The following GCH1 variants were observed in gnomAD, a reference collection of about 807,000 sequenced individuals.
GCH1 encodes GTP cyclohydrolase 1.
A neutral mutation model predicts 25.9 loss-of-function variants in GCH1; 5 were observed. The observed-to-expected ratio is 0.19, with a 90% confidence interval of 0.10 to 0.41. GCH1 has a LOEUF of 0.41. Ranked by LOEUF, GCH1 falls within the 10% of genes least tolerant of loss-of-function variation. The pLI is 1.00. For missense variants in GCH1, 261 were observed against 336.5 expected, an observed-to-expected ratio of 0.78 and a Z score of 1.75; for synonymous variants, 159 against 129.6, an observed-to-expected ratio of 1.23 and a Z score of -1.54.
intron 1 of GCH1, among the ~76,000 whole-genome samples, chr14:54,875,917 A>G (rs2040152783): frequency 6.6e-6 from 1 of 152,238 alleles, no homozygotes; most frequent in African/African-American, 2.4e-5. Flanking sequence ...AACTAGTTCA[A>G]CCATTGTGGA....
At chr14:54,881,314 T>C (rs1362116817) in intron 1 of GCH1, among the ~76,000 whole-genome samples, 8 of 152,094 alleles carry the variant, frequency 5.3e-5, no homozygotes, top group African/African-American at 1.9e-4. Context: ...TGCTGCAAAC[T>C]CTTTCAAAAT....
At position 54,843,576 on chromosome 14, in the gene GCH1, C is replaced by T. The variant is rs146536998; in HGVS notation, c.*441G>A. 4.0e-5 allele frequency: 56 copies of T among 1,416,450 alleles called. No individual in the cohort carries two copies. The highest frequency in any genetic ancestry group is 5.4e-4 in the Middle Eastern group (2 of 3,734). 87.7% of individuals were successfully genotyped at this position (1,416,450 alleles called of 1,614,324 possible). ...TGAACTTGAATTCACAGAGCAATAC[C>T]GCACTAAATATTTTAGCACTTTCGG... On this transcript the variant is annotated 3_prime_UTR_variant, in exon 6 of 6. Transcript: ENST00000491895.
intron 1 of GCH1, among the ~76,000 whole-genome samples, chr14:54,900,288 C>T (rs2040545440): frequency 6.6e-6 from 1 of 152,124 alleles, no homozygotes; most frequent in Admixed American, 6.5e-5. Context: ...CGGCTCACTG[C>T]AACCTCCTCC....
intron 2 of GCH1, among the ~76,000 whole-genome samples, chr14:54,863,249 C>A (rs1282093327): frequency 1.3e-5 from 2 of 151,382 alleles, no homozygotes. Flanking sequence ...GAAACCCCTT[C>A]TCTACTAAAA....
chr14:54,864,550 G>A (rs557681272), intron 2 of GCH1, among the ~76,000 whole-genome samples: 2 of 152,264 alleles, frequency 1.3e-5, no homozygotes, highest in East Asian at 3.9e-4. Flanking sequence ...TGTTTAAACA[G>A]GAATCCAATG....
At chr14:54,899,399 A>C (rs2140122925) in intron 1 of GCH1, among the ~76,000 whole-genome samples, 1 of 152,316 alleles carries the variant, frequency 6.6e-6, no homozygotes, top group South Asian at 2.1e-4. Flanking sequence ...GTGAGACTGC[A>C]GTGAGCCGAG....
chr14:54,854,375 G>GGGCAGGAA (rs1434196967), intron 3 of GCH1, among the ~76,000 whole-genome samples: 1 of 152,174 alleles, frequency 6.6e-6, no homozygotes, highest in African/African-American at 2.4e-5. Flanking sequence ...GCAGCAGGGA[G>GGGCAGGAA]GGCAGGAAGG....
intron 1 of GCH1, chr14:54,878,329 G>A (rs1311563538): frequency 2.6e-5 from 4 of 152,458 alleles, no homozygotes; most frequent in African/African-American, 7.2e-5. Flanking sequence ...TGGAACATCT[G>A]AGTGAGCATC....
intron 1 of GCH1, among the ~76,000 whole-genome samples, chr14:54,870,604 G>A (rs180735557): frequency 6.6e-6 from 1 of 152,332 alleles, no homozygotes; most frequent in East Asian, 1.9e-4. Context: ...CCTAGTCAAA[G>A]AAAGCGGTGA....
chr14:54,892,599 G>A (rs904655050), intron 1 of GCH1, among the ~76,000 whole-genome samples: 1 of 150,970 alleles, frequency 6.6e-6, no homozygotes, highest in African/African-American at 2.4e-5. Context: ...TGAGGCAGGA[G>A]AATTGCTTGA....
chr14:54,873,450 C>T lies in GCH1; in HGVS notation c.344-8014G>A, dbSNP rs1015692393. Among the ~76,000 whole-genome samples, 85 of 152,146 alleles carry T rather than the reference C, an allele frequency of 5.6e-4. 1 individual carries two copies. In the Middle Eastern group the frequency reaches 0.014, roughly 24 times the overall value. On this transcript the variant is annotated intron_variant, in intron 1 of 5. Coordinates refer to ENST00000491895, the MANE Select transcript of GCH1 (RefSeq NM_000161.3). ...ATTAAAAGAACTAGAGAAGCAAGAG[C>T]AAACATATTCAAAAGCTAGCAGAAG...
intron 1 of GCH1, among the ~76,000 whole-genome samples, chr14:54,865,710 G>A (rs780378074): frequency 1.3e-5 from 2 of 152,114 alleles, no homozygotes; most frequent in African/African-American, 4.8e-5. Flanking sequence ...AGGGAGGAAA[G>A]GAAAAATTAT....
intron 1 of GCH1, among the ~76,000 whole-genome samples, chr14:54,880,318 T>C (rs996914993): frequency 1.4e-5 from 2 of 147,052 alleles, no homozygotes; most frequent in Non-Finnish European, 3.0e-5. Flanking sequence ...AACTTGTTCA[T>C]ACAGTCTTGT....
intron 1 of GCH1, among the ~76,000 whole-genome samples, chr14:54,879,420 CAAAAAAAAAAAAAAA>C (rs34163543): frequency 1.7e-5 from 1 of 59,904 alleles, no homozygotes; most frequent in Non-Finnish European, 3.5e-5. Context: ...GTCCCTGTCT[CAAAAAAAAAAAAAAA>C]AAAAAAAAAA....
At chr14:54,868,110 C>T (rs909496473) in intron 1 of GCH1, among the ~76,000 whole-genome samples, 1 of 152,016 alleles carries the variant, frequency 6.6e-6, no homozygotes, top group Non-Finnish European at 1.5e-5. Context: ...AATATCTAAA[C>T]AAGTACTCTT....
At position 54,843,920 on chromosome 14, in the gene GCH1, G is replaced by A. The variant is rs961450987; in HGVS notation, c.*97C>T. The stretch of plus-strand genomic sequence containing the variant: ...GTGACAAGGAATAAAGTTCACATCT[G>A]TAACAATTGAAAATGGAATGTACAA... On this transcript the variant is annotated 3_prime_UTR_variant, in exon 6 of 6. Transcript: ENST00000491895. 3 of 1,611,844 alleles carry A rather than the reference G, an allele frequency of 1.9e-6. No individual in the cohort carries two copies. The highest frequency in any genetic ancestry group is 3.3e-5 in the Admixed American group (2 of 60,002).
intron 1 of GCH1, among the ~76,000 whole-genome samples, chr14:54,866,139 T>A (rs1377889806): frequency 6.6e-6 from 1 of 152,010 alleles, no homozygotes; most frequent in East Asian, 1.9e-4. Context: ...GCTTTATTTT[T>A]AAAAATTGCA....
intron 1 of GCH1, among the ~76,000 whole-genome samples, chr14:54,867,589 CAAAAAAAAAA>C (rs1029899399): frequency 1.3e-4 from 6 of 46,670 alleles, no homozygotes; most frequent in African/African-American, 4.1e-4. Context: ...GACTCCGTCT[CAAAAAAAAAA>C]AAAAAAAAAA....
chr14:54,871,725 T>A (rs1465887972), intron 1 of GCH1, among the ~76,000 whole-genome samples: 2 of 152,112 alleles, frequency 1.3e-5, no homozygotes, highest in Non-Finnish European at 2.9e-5. Context: ...GCTGATTCGA[T>A]CAACTGGAAG....
Sources: gnomAD v4.1 joint callset for allele counts (sites outside exome capture counted in the v4.1 genomes callset) on GRCh38, gnomAD v4.1.1 for gene constraint, MANE v1.5 for transcripts, NCBI Gene and HGNC (gene_info 2026-07-23, HGNC 2026-07-21) for gene names.